LTBP3: variants seen among roughly 807,000 people sequenced by gnomAD.
The protein encoded by LTBP3 is latent transforming growth factor beta binding protein 3, also known as latent-transforming growth factor beta-binding protein 3.
LTBP3 carries 97 observed loss-of-function variants against 159.7 expected under a neutral mutation model. The ratio of observed to expected loss-of-function variants is 0.61; its 90% CI spans 0.52 to 0.72. The LOEUF is 0.72. Ranked by LOEUF, LTBP3 falls within the 30% of genes least tolerant of loss-of-function variation. The probability of loss-of-function intolerance (pLI) is 0.00; values close to 1 mark genes in which losing one functional copy is unlikely to be tolerated. For missense variants in LTBP3, 1,584 were observed against 1,864.3 expected, an observed-to-expected ratio of 0.85 and a Z score of 2.77; for synonymous variants, 824 against 777.1, an observed-to-expected ratio of 1.06 and a Z score of -1.00.
In LTBP3 at chr11:65,549,090, G is replaced by A. The variant is rs554832295; in HGVS notation, c.1721-1045C>T. On this transcript the variant is annotated intron_variant, in intron 11 of 27. Transcript: ENST00000301873. ...AGGCTAACAACGCTCACTTTGCAGA[G>A]TATGAGAAGGTTAAATGGTATTTAG... Among the ~76,000 whole-genome samples the A allele has an allele frequency of 9.8e-5, 15 of 152,324 alleles. No individual in the cohort carries two copies. In the East Asian group the frequency reaches 2.5e-3, roughly 25 times the overall value.
In LTBP3 at chr11:65,557,938, C is replaced by T. The variant is rs1856868902; in HGVS notation, c.22G>A (p.Ala8Thr). 4 of 1,208,194 alleles carry T rather than the reference C, an allele frequency of 3.3e-6. No homozygotes were observed. The highest frequency in any genetic ancestry group is 4.1e-6 in the Non-Finnish European group (4 of 967,142). The allele number at this position is 1,208,194 out of a possible 1,614,324, so 74.8% of individuals were successfully genotyped here. A position where few individuals can be genotyped will look rare whatever the true frequency, so the allele number is the denominator to read the frequency against. Reference protein sequence around the residue: MPGPRGAAGGLAPEMRGA... With the variant: MPGPRGATGGLAPEMRGA... Reference sequence around the variant, plus strand: ...CGCATCTCAGGGGCCAGGCCGCCAGCAGCCCCTCGGGGCCCGGGCATCCGG... The same window carrying T: ...CGCATCTCAGGGGCCAGGCCGCCAGTAGCCCCTCGGGGCCCGGGCATCCGG... Residue 8 changes from alanine to threonine, a missense_variant, in exon 1 of 28, where the codon GCT becomes ACT. Ala to Thr is a moderately conservative substitution (Grantham distance 58). Around this residue, in one of 6 missense-constraint regions of LTBP3, gnomAD observed 79 missense variants for 64.7 expected, o/e 1.22. Transcript: ENST00000301873.
intron 11 of LTBP3, 95 bp downstream of exon 11, chr11:65,551,031 T>G: frequency 4.9e-6 from 5 of 1,016,618 alleles, no homozygotes; most frequent in South Asian, 1.4e-5. Context: ...CGCTAGCCTA[T>G]TAGCGCTAGG....
intron 18 of LTBP3, chr11:65,542,789 G>C (rs1446866308): frequency 2.6e-6 from 1 of 386,756 alleles, no homozygotes; most frequent in Non-Finnish European, 5.0e-6. Context: ...GCTTAACAGA[G>C]TGCCTGGCAC....
At position 65,539,718 on chromosome 11, in the gene LTBP3, A is replaced by G. The variant is rs1460512074; in HGVS notation, c.3547+2T>C. On this transcript the variant is annotated splice_donor_variant, in intron 25 of 27. Transcript: ENST00000301873. LOFTEE classifies it high-confidence loss of function. ...CGGCCAACTCCTCCCCGACTGCCTTACCCGCGCCGCGCGGCGGGCACGGTC... is the reference window on the plus strand; with the variant it reads ...CGGCCAACTCCTCCCCGACTGCCTTGCCCGCGCCGCGCGGCGGGCACGGTC... The G allele has an allele frequency of 6.4e-7, 1 of 1,552,788 alleles. No homozygotes were observed. Among genetic ancestry groups the G allele is most frequent in the Non-Finnish European group, 8.6e-7 (1 of 1,156,450 alleles).
intron 20 of LTBP3, 52 bp downstream of exon 20, chr11:65,541,074 C>T: frequency 6.3e-7 from 1 of 1,592,994 alleles, no homozygotes; most frequent in Non-Finnish European, 8.5e-7. Context: ...CCACATTTGG[C>T]TTCCAGATGA....
rs1856685459 is a variant in LTBP3 at position 65,553,429 on chromosome 11, C to T, written c.966G>A (p.Leu322=). Residue 322 remains leucine (L), a synonymous_variant, in exon 4 of 28, where the codon CTG becomes CTA. Coordinates refer to ENST00000301873, the MANE Select transcript of LTBP3 (RefSeq NM_001130144.3). The surrounding 1 kb of genome is among the most constrained non-coding windows in gnomAD (Gnocchi z 6.5). ...CCCCTGAGCCCAAGCACTCACACTG[C>T]AGCTGGGGACACTTGTGGCACTTGC... ...GQSKCHKCPQ[L]QYTGVQKPGP... is the part of the protein sequence containing the mutation. 2 of 1,611,716 alleles carry T rather than the reference C, an allele frequency of 1.2e-6. No homozygotes were observed. The highest frequency in any genetic ancestry group is 1.7e-6 in the Non-Finnish European group (2 of 1,179,454).
rs1856476467 is a variant in LTBP3 at position 65,548,499 on chromosome 11, CTA to C, written c.1721-456_1721-455del. The stretch of plus-strand genomic sequence containing the variant: ...GCCCTTGCCCCAGGGACCCGACCCC[CTA>C]TTCCAGAAGGGTTGATTACCCCCTC... On this transcript the variant is annotated intron_variant, in intron 11 of 27. Coordinates refer to ENST00000301873, the MANE Select transcript of LTBP3 (RefSeq NM_001130144.3). The C allele has an allele frequency of 2.0e-5, 5 of 244,728 alleles. No homozygotes were observed. The Admixed American group carries it at 2.5e-4, about 12-fold the overall frequency. 15.2% of individuals were successfully genotyped at this position (244,728 alleles called of 1,614,324 possible). A position where few individuals can be genotyped will look rare whatever the true frequency, so the allele number is the denominator to read the frequency against.
At chr11:65,551,506 C>T in intron 9 of LTBP3, 32 bp from the exon 10 acceptor site, 1 of 1,614,092 alleles carries the variant, frequency 6.2e-7, no homozygotes. Flanking sequence ...GCCCTCCTGT[C>T]CCTCGCCTGC....
At position 65,554,398 on chromosome 11, in the gene LTBP3, G is replaced by A. The variant is rs367889996; in HGVS notation, c.332-18C>T. ...GCACACCACTGGGGAGAAGAGTGGG[G>A]TCAGGCCCTCACCCACATCCTGTCT... On this transcript the variant is annotated intron_variant, in intron 1 of 27. Transcript: ENST00000301873. This position sits in a 1 kb window ranked among gnomAD's most constrained non-coding sequence, Gnocchi z 5.3. The A allele has an allele frequency of 3.1e-5, 50 of 1,597,308 alleles. No homozygotes were observed. In the African/African-American group the frequency reaches 6.3e-4, roughly 20 times the overall value.
Position 65,547,983 on chromosome 11 carries a change from G to A in LTBP3, c.1783C>T (p.Pro595Ser). Residue 595 changes from proline (P) to serine (S), a missense_variant, in exon 12 of 28, where the codon CCT becomes TCT. This residue lies in a region of LTBP3 where 565 missense variants were observed against 677.7 expected (regional missense o/e 0.83). Transcript: ENST00000301873. This position sits in a 1 kb window ranked among gnomAD's most constrained non-coding sequence, Gnocchi z 4.6. ...GGGTTGCAGTGGCAGGAGTAGTCAG[G>A]GGGGCCCGGCACGCACTCTCCGTGG... ...CGHGECVPGP[P>S]DYSCHCNPGY... 6.2e-7 allele frequency: 1 copy of A among 1,613,852 alleles called. No homozygotes were observed. Among genetic ancestry groups the A allele is most frequent in the South Asian group, 1.1e-5 (1 of 91,082 alleles).
At position 65,551,550 on chromosome 11, in the gene LTBP3, A is replaced by G. The variant is rs1442400330; in HGVS notation, c.1546T>C (p.Ser516Pro). 9.9e-6 allele frequency: 16 copies of G among 1,613,926 alleles called. No individual in the cohort carries two copies. Among genetic ancestry groups the G allele is most frequent in the Non-Finnish European group, 1.2e-5 (14 of 1,179,986 alleles). Reference sequence around the variant, plus strand: ...CCCATCTGGGTTCTCATACTCACTGAGTCCGTGGTCACCCCTAAAAGGGAA... The same window carrying G: ...CCCATCTGGGTTCTCATACTCACTGGGTCCGTGGTCACCCCTAAAAGGGAA... ...TEEERGVTTD[S>P]PVSEERSVQQ... The change falls in exon 9 of 28, where the codon TCA becomes CCA. Residue 516 changes from serine to proline, a missense_variant and splice_region_variant. By Grantham distance (74) the Ser-to-Pro change is moderately conservative. This residue lies in a region of LTBP3 where 565 missense variants were observed against 677.7 expected (regional missense o/e 0.83). Transcript: ENST00000301873.
In LTBP3 at chr11:65,546,267, G is replaced by T; in HGVS notation, c.2353+175C>A. On this transcript the variant is annotated intron_variant, in intron 16 of 27. Transcript: ENST00000301873. The surrounding 1 kb of genome is among the most constrained non-coding windows in gnomAD (Gnocchi z 4.0). ...AGCTCTACCCCGAGACCCTTCCTACGTGGAAATTCTAGTGGTGCCTTCCTT... is the reference window on the plus strand; with the variant it reads ...AGCTCTACCCCGAGACCCTTCCTACTTGGAAATTCTAGTGGTGCCTTCCTT... The T allele has an allele frequency of 1.3e-6, 1 of 796,518 alleles. No individual in the cohort carries two copies. Among genetic ancestry groups the T allele is most frequent in the Non-Finnish European group, 1.9e-6 (1 of 528,804 alleles). 49.3% of individuals were successfully genotyped at this position (796,518 alleles called of 1,614,324 possible). A position where few individuals can be genotyped will look rare whatever the true frequency, so the allele number is the denominator to read the frequency against.
At chr11:65,551,058 G>A (rs546184125) in intron 11 of LTBP3, 68 bp downstream of exon 11, 6 of 1,275,772 alleles carry the variant, frequency 4.7e-6, no homozygotes, top group Middle Eastern at 1.9e-4. Context: ...CTGGGGGCGG[G>A]AGGGAGGAGA....
Position 65,540,474 on chromosome 11 carries a change from G to A in LTBP3, c.3106+12C>T. ...TGCCGCTTCCCCACGGCCGCCGGGG[G>A]GCGGAGCTCACCCACGCATTCCAGC... On this transcript the variant is annotated intron_variant, in intron 22 of 27. Coordinates refer to ENST00000301873, the MANE Select transcript of LTBP3 (RefSeq NM_001130144.3). 1.9e-6 allele frequency: 3 copies of A among 1,613,212 alleles called. No homozygotes were observed. Among genetic ancestry groups the A allele is most frequent in the Non-Finnish European group, 1.7e-6 (2 of 1,179,746 alleles).
At chr11:65,542,928 AGAAGGATG>A (rs1237545894) in intron 18 of LTBP3, 169 bp downstream of exon 18, 6 of 812,706 alleles carry the variant, frequency 7.4e-6, no homozygotes, top group African/African-American at 4.0e-5. Context: ...ATGGATGGAT[AGAAGGATG>A]GATGGATGGA....
chr11:65,555,325 A>G (rs1463970750), intron 1 of LTBP3, among the ~76,000 whole-genome samples: 1 of 151,678 alleles, frequency 6.6e-6, no homozygotes, highest in Non-Finnish European at 1.5e-5. Flanking sequence ...TGTACTGCAC[A>G]CCCCAGGACC....
chr11:65,555,088 C>T (rs1856762786), intron 1 of LTBP3, among the ~76,000 whole-genome samples: 1 of 152,146 alleles, frequency 6.6e-6, no homozygotes, highest in Non-Finnish European at 1.5e-5. Context: ...GTCCCTCCTG[C>T]TCTCCCCTGC....
chr11:65,553,105 C>A lies in LTBP3; in HGVS notation c.1063+59G>T. ...CTCTCGCCCACCTTGGGACCCTCCC[C>A]ACCCCCAGTGATGGCTGGCCTGCCC... On this transcript the variant is annotated intron_variant, in intron 5 of 27. Coordinates refer to ENST00000301873, the MANE Select transcript of LTBP3 (RefSeq NM_001130144.3). The surrounding 1 kb of genome is among the most constrained non-coding windows in gnomAD (Gnocchi z 6.5). The A allele has an allele frequency of 6.2e-7, 1 of 1,606,670 alleles. No individual in the cohort carries two copies. Among genetic ancestry groups the A allele is most frequent in the Non-Finnish European group, 8.5e-7 (1 of 1,173,590 alleles).
rs1204899060 is a variant in LTBP3 at position 65,540,329 on chromosome 11, T to G, written c.3160A>C (p.Thr1054Pro). The G allele has an allele frequency of 1.3e-6, 2 of 1,579,388 alleles. No homozygotes were observed. The change falls in exon 23 of 28, where the codon ACG becomes CCG. Residue 1054 changes from threonine to proline, a missense_variant. Transcript: ENST00000301873. Reference protein sequence around the residue: ...SNCRNGVCENTRGGYRCACTP... With the variant: ...SNCRNGVCENPRGGYRCACTP... The stretch of plus-strand genomic sequence containing the variant: ...CAGGCACAGCGGTAGCCGCCGCGCG[T>G]GTTCTCACACACTCCGTTCCGGCAG...
Sources: allele counts gnomAD v4.1 joint callset (sites outside exome capture counted in the v4.1 genomes callset), GRCh38; gene constraint gnomAD v4.1.1; regional missense constraint gnomAD v4.1.1; non-coding constraint Gnocchi (gnomAD v3.1); transcripts MANE v1.5; gene names NCBI Gene and HGNC (gene_info 2026-07-23, HGNC 2026-07-21).